The following LRRC7 variants were observed in gnomAD, a reference collection of about 807,000 sequenced individuals.
LRRC7 encodes leucine-rich repeat-containing protein 7.
Under a neutral mutation model 175.7 loss-of-function variants are expected in LRRC7, and 23 were observed. That is an observed-to-expected ratio of 0.13 (90% CI 0.09 to 0.19). The LOEUF (loss-of-function observed/expected upper bound fraction) is 0.19. Ranked by LOEUF, LRRC7 falls within the 10% of genes least tolerant of loss-of-function variation. The probability of loss-of-function intolerance (pLI) is 1.00; values close to 1 mark genes in which losing one functional copy is unlikely to be tolerated. For synonymous variants in LRRC7, 685 were observed against 680.9 expected, an observed-to-expected ratio of 1.01 and a Z score of -0.09; for missense variants, 1,354 against 1,904.7, an observed-to-expected ratio of 0.71 and a Z score of 5.38.
chr1:69,942,906 T>C (rs571292927), intron 8 of LRRC7, among the ~76,000 whole-genome samples: 6 of 152,310 alleles, frequency 3.9e-5, no homozygotes, highest in African/African-American at 1.2e-4. Flanking sequence ...AGCCACCATG[T>C]AGCCCAGGAC....
chr1:69,824,605 A>T (rs917420790), intron 4 of LRRC7, among the ~76,000 whole-genome samples: 3 of 152,126 alleles, frequency 2.0e-5, no homozygotes, highest in African/African-American at 7.2e-5. Context: ...TTGGCAGTGG[A>T]TAAGTGACCT....
intron 2 of LRRC7, among the ~76,000 whole-genome samples, chr1:69,713,357 T>A (rs1664998260): frequency 6.6e-6 from 1 of 151,894 alleles, no homozygotes; most frequent in Non-Finnish European, 1.5e-5. Flanking sequence ...TAGACAGGTG[T>A]GGTGACCTTC....
intron 9 of LRRC7, among the ~76,000 whole-genome samples, chr1:69,983,854 A>G (rs768894402): frequency 6.6e-6 from 1 of 152,196 alleles, no homozygotes; most frequent in Non-Finnish European, 1.5e-5. Flanking sequence ...AACATGTGAC[A>G]TGACTTAATC....
At chr1:69,930,490 TA>T (rs36098469) in intron 7 of LRRC7, among the ~76,000 whole-genome samples, 3 of 151,646 alleles carry the variant, frequency 2.0e-5, no homozygotes, top group African/African-American at 2.4e-5. Flanking sequence ...AGTGGAGAGA[TA>T]AAAAAAAATC....
intron 2 of LRRC7, among the ~76,000 whole-genome samples, chr1:69,717,562 A>T (rs1232883120): frequency 1.3e-5 from 2 of 151,668 alleles, no homozygotes; most frequent in African/African-American, 4.8e-5. Flanking sequence ...TTAGATTGCC[A>T]TAAAGTGGCA....
chr1:69,664,917 T>C (rs1472874646), intron 1 of LRRC7, among the ~76,000 whole-genome samples: 1 of 152,232 alleles, frequency 6.6e-6, no homozygotes, highest in African/African-American at 2.4e-5. Flanking sequence ...TGTTTACTTT[T>C]AGCAGTTTCA....
intron 7 of LRRC7, among the ~76,000 whole-genome samples, chr1:69,912,685 C>G (rs1465814707): frequency 1.3e-5 from 2 of 152,096 alleles, no homozygotes; most frequent in East Asian, 3.9e-4. Flanking sequence ...AATTTTCAGT[C>G]AGTGGAAAAT....
chr1:69,886,977 C>T (rs532742734), intron 7 of LRRC7, among the ~76,000 whole-genome samples: 28 of 151,858 alleles, frequency 1.8e-4, no homozygotes, highest in South Asian at 1.2e-3. Flanking sequence ...GGGTTTCTGC[C>T]GAGAGATCCG....
chr1:69,571,213 T>C (rs148777290), intron 1 of LRRC7, among the ~76,000 whole-genome samples: 1 of 152,344 alleles, frequency 6.6e-6, no homozygotes, highest in East Asian at 1.9e-4. Context: ...ATCACTTGTG[T>C]CTGCACATAT....
At chr1:69,828,535 T>C (rs774788300) in intron 5 of LRRC7, among the ~76,000 whole-genome samples, 15 of 152,112 alleles carry the variant, frequency 9.9e-5, no homozygotes, top group Non-Finnish European at 1.5e-4. Context: ...ATTAGCACCT[T>C]TCCATGTATT....
intron 3 of LRRC7, among the ~76,000 whole-genome samples, chr1:69,782,382 A>G (rs1673864685): frequency 1.3e-5 from 2 of 152,254 alleles, no homozygotes; most frequent in Admixed American, 1.3e-4. Context: ...ACCGTACAGA[A>G]CACTACAAAA....
chr1:69,915,426 C>T (rs1646655910), intron 7 of LRRC7, among the ~76,000 whole-genome samples: 1 of 152,106 alleles, frequency 6.6e-6, no homozygotes, highest in Non-Finnish European at 1.5e-5. Context: ...ACTGTTTCAT[C>T]TTCTGCAAAA....
intron 4 of LRRC7, among the ~76,000 whole-genome samples, chr1:69,821,438 T>C (rs946609431): frequency 1.2e-4 from 18 of 152,166 alleles, no homozygotes; most frequent in African/African-American, 4.3e-4. Flanking sequence ...ATTTTTTTAA[T>C]GATTTCTATC....
At chr1:70,103,945 TA>T (rs1348193611) in intron 25 of LRRC7, among the ~76,000 whole-genome samples, 1 of 152,238 alleles carries the variant, frequency 6.6e-6, no homozygotes, top group African/African-American at 2.4e-5. Flanking sequence ...ATTAGTACAT[TA>T]CATAGCTAGT....
At chr1:69,790,158 G>A (rs1330128138) in intron 3 of LRRC7, among the ~76,000 whole-genome samples, 1 of 151,936 alleles carries the variant, frequency 6.6e-6, no homozygotes, top group South Asian at 2.1e-4. Context: ...TTCAAGTTAG[G>A]TAATGTATTG....
intron 20 of LRRC7, among the ~76,000 whole-genome samples, chr1:70,037,546 A>T (rs763159278): frequency 3.3e-5 from 5 of 152,186 alleles, no homozygotes; most frequent in Admixed American, 2.0e-4. Flanking sequence ...TCAAAACCTG[A>T]CCTTCAAATA....
chr1:69,587,981 A>G (rs1210929700), intron 1 of LRRC7, among the ~76,000 whole-genome samples: 1 of 152,174 alleles, frequency 6.6e-6, no homozygotes, highest in Admixed American at 6.5e-5. Flanking sequence ...TATTCTGGCC[A>G]CACTGAGCTA....
intron 8 of LRRC7, among the ~76,000 whole-genome samples, chr1:69,949,052 G>T (rs1399868836): frequency 6.6e-6 from 1 of 151,646 alleles, no homozygotes; most frequent in East Asian, 1.9e-4. Flanking sequence ...TTTGCTCTCA[G>T]CCCCTGCTGT....
intron 7 of LRRC7, among the ~76,000 whole-genome samples, chr1:69,856,338 A>C (rs574893274): frequency 7.9e-5 from 12 of 152,192 alleles, no homozygotes; most frequent in Non-Finnish European, 1.5e-4. Context: ...GTTTTTTGAA[A>C]AGATCAACAA....
Sources: allele counts gnomAD v4.1 joint callset (sites outside exome capture counted in the v4.1 genomes callset), GRCh38; gene constraint gnomAD v4.1.1; transcripts MANE v1.5; gene names NCBI Gene and HGNC (gene_info 2026-07-23, HGNC 2026-07-21).